Variants in ANGPT1 observed in about 807,000 individuals in gnomAD.
ANGPT1 encodes the protein angiopoietin-1.
In ANGPT1, 17 loss-of-function variants were observed where a neutral mutation model predicts 62.2. The ratio of observed to expected loss-of-function variants is 0.27; its 90% CI spans 0.19 to 0.41. ANGPT1 has a LOEUF of 0.41. ANGPT1 is among the 10% of genes least tolerant of loss of function. The pLI, the probability that ANGPT1 is intolerant of heterozygous loss-of-function variation, is 1.00. For missense variants in ANGPT1, 478 were observed against 594.9 expected (o/e 0.80, Z 2.04); for synonymous variants, 199 against 198.9 (o/e 1.00, Z 0.00).
intron 3 of ANGPT1, among the ~76,000 whole-genome samples, chr8:107,330,880 A>T (rs569860143): frequency 1.1e-4 from 16 of 151,198 alleles, no homozygotes; most frequent in Admixed American, 3.9e-4. Context: ...ATTATAATTT[A>T]AAAAAAGGAA....
chr8:107,260,776 C>T (rs982909187), intron 8 of ANGPT1, among the ~76,000 whole-genome samples: 2 of 152,116 alleles, frequency 1.3e-5, no homozygotes, highest in African/African-American at 4.8e-5. Flanking sequence ...CTATTCCAGC[C>T]CAAGCAATAA....
At chr8:107,442,083 C>CA (rs548614907) in intron 1 of ANGPT1, among the ~76,000 whole-genome samples, 22 of 150,108 alleles carry the variant, frequency 1.5e-4, no homozygotes, top group South Asian at 1.1e-3. Context: ...CACTCCGTCT[C>CA]AAAAAAAAAG....
At chr8:107,321,848 A>C in intron 4 of ANGPT1, 48 bp downstream of exon 4, 1 of 1,531,942 alleles carries the variant, frequency 6.5e-7, no homozygotes. Flanking sequence ...TTACTTGATC[A>C]AAGGAAATAA....
intron 1 of ANGPT1, among the ~76,000 whole-genome samples, chr8:107,380,460 G>A (rs1816615264): frequency 6.6e-6 from 1 of 151,100 alleles, no homozygotes. Flanking sequence ...CATATACTAT[G>A]CATACACATT....
intron 1 of ANGPT1, among the ~76,000 whole-genome samples, chr8:107,444,122 G>A (rs62513242): frequency 0.066 from 10,096 of 152,146 alleles, 442 homozygotes; most frequent in African/African-American, 0.11. Flanking sequence ...GGTTATATGT[G>A]GATGTATCAT....
chr8:107,269,034 T>C (rs1044374228), intron 7 of ANGPT1, among the ~76,000 whole-genome samples: 1 of 152,104 alleles, frequency 6.6e-6, no homozygotes, highest in Non-Finnish European at 1.5e-5. Context: ...GAGATAAAGA[T>C]GAAATGTCAT....
intron 6 of ANGPT1, 86 bp from the exon 7 acceptor site, chr8:107,284,934 TA>T (rs1162499463): frequency 9.6e-7 from 1 of 1,041,930 alleles, no homozygotes; most frequent in African/African-American, 1.7e-5. Context: ...AAATAATAAT[TA>T]AAAATTATTA....
intron 1 of ANGPT1, among the ~76,000 whole-genome samples, chr8:107,449,959 C>T (rs1427987508): frequency 6.6e-6 from 1 of 151,944 alleles, no homozygotes; most frequent in Non-Finnish European, 1.5e-5. Context: ...CTTAGAAGCA[C>T]CTAAATATCT....
At chr8:107,423,827 C>CTTTTTTTTTT (rs869079818) in intron 1 of ANGPT1, among the ~76,000 whole-genome samples, 25 of 74,472 alleles carry the variant, frequency 3.4e-4, no homozygotes, top group South Asian at 6.6e-4. Context: ...CTTTTCCTTT[C>CTTTTTTTTTT]TTTTTTTTTT....
chr8:107,358,512 C>T (rs533566095), intron 1 of ANGPT1, among the ~76,000 whole-genome samples: 2 of 152,218 alleles, frequency 1.3e-5, no homozygotes, highest in East Asian at 1.9e-4. Flanking sequence ...ATTAGCATTA[C>T]AATGAACTGG....
At position 107,303,486 on chromosome 8, in the gene ANGPT1, A is replaced by G. The variant is rs1814643968; in HGVS notation, c.809-119T>C. 16 of 831,496 alleles carry G rather than the reference A, an allele frequency of 1.9e-5. No individual in the cohort carries two copies. In the East Asian group the frequency reaches 4.1e-4, roughly 22 times the overall value. 51.5% of individuals were successfully genotyped at this position (831,496 alleles called of 1,614,324 possible). On this transcript the variant is annotated intron_variant, in intron 4 of 8. Coordinates refer to ENST00000517746, the MANE Select transcript of ANGPT1 (RefSeq NM_001146.5). ...CTCCACACAAATGTCAATATCGCAC[A>G]TAGTAAAAAGTCAATCATAAAGACA...
At chr8:107,409,757 T>C (rs190761313) in intron 1 of ANGPT1, among the ~76,000 whole-genome samples, 173 of 152,254 alleles carry the variant, frequency 1.1e-3, no homozygotes, top group African/African-American at 4.0e-3. Context: ...CCATTATCTT[T>C]AGCACTTTAT....
intron 1 of ANGPT1, among the ~76,000 whole-genome samples, chr8:107,370,489 G>T (rs1816382255): frequency 6.6e-6 from 1 of 151,468 alleles, no homozygotes; most frequent in Non-Finnish European, 1.5e-5. Context: ...AGGAGTTCAA[G>T]ACCATCCTGA....
chr8:107,395,646 T>A (rs957946302), intron 1 of ANGPT1, among the ~76,000 whole-genome samples: 1 of 152,192 alleles, frequency 6.6e-6, no homozygotes, highest in Non-Finnish European at 1.5e-5. Flanking sequence ...TTGTAATATC[T>A]ACAACTAAGA....
At chr8:107,324,489 G>T (rs953079337) in intron 3 of ANGPT1, among the ~76,000 whole-genome samples, 1 of 152,114 alleles carries the variant, frequency 6.6e-6, no homozygotes, top group African/African-American at 2.4e-5. Flanking sequence ...GCCTGGAACC[G>T]AGTCTTCCCT....
chr8:107,380,796 CAA>C (rs1030329616), intron 1 of ANGPT1, among the ~76,000 whole-genome samples: 13 of 152,286 alleles, frequency 8.5e-5, no homozygotes, highest in African/African-American at 2.4e-4. Flanking sequence ...CCACAGAGAA[CAA>C]AAGACAACGT....
chr8:107,331,829 A>T (rs1328099202), intron 3 of ANGPT1, among the ~76,000 whole-genome samples: 1 of 152,096 alleles, frequency 6.6e-6, no homozygotes, highest in African/African-American at 2.4e-5. Flanking sequence ...AGACTTCCTT[A>T]ATCTTCACTC....
At chr8:107,264,146 C>T in intron 8 of ANGPT1, 75 bp downstream of exon 8, 4 of 1,509,766 alleles carry the variant, frequency 2.6e-6, no homozygotes, top group Non-Finnish European at 2.7e-6. Context: ...AGATCATACT[C>T]CTTTCTCATA....
intron 4 of ANGPT1, among the ~76,000 whole-genome samples, chr8:107,305,269 C>G (rs1240733299): frequency 6.6e-6 from 1 of 151,946 alleles, no homozygotes; most frequent in Non-Finnish European, 1.5e-5. Context: ...ATGTGGTCAG[C>G]AGGAACCCAA....
Sources: gnomAD v4.1 joint callset for allele counts (sites outside exome capture counted in the v4.1 genomes callset) on GRCh38, gnomAD v4.1.1 for gene constraint, MANE v1.5 for transcripts, NCBI Gene and HGNC (gene_info 2026-07-23, HGNC 2026-07-21) for gene names.